The following TENM3 variants were observed in gnomAD, a reference collection of about 807,000 sequenced individuals.
The protein encoded by TENM3 is teneurin-3.
TENM3 carries 63 observed loss-of-function variants against 255.1 expected under a neutral mutation model. The ratio of observed to expected loss-of-function variants is 0.25; its 90% CI spans 0.20 to 0.30. The LOEUF (loss-of-function observed/expected upper bound fraction) is 0.30, where lower values mean the gene tolerates loss of function less well. Ranked by LOEUF, TENM3 falls within the 10% of genes least tolerant of loss-of-function variation. TENM3 has a pLI of 1.00. For synonymous variants in TENM3, 1,306 were observed against 1,322.3 expected, an observed-to-expected ratio of 0.99 and a Z score of 0.27; for missense variants, 2,929 against 3,461.1, an observed-to-expected ratio of 0.85 and a Z score of 3.86.
the TENM3 span, among the ~76,000 whole-genome samples, chr4:181,844,594 G>C: frequency 1.3e-5 from 2 of 151,874 alleles, no homozygotes; most frequent in Admixed American, 6.6e-5. Context: ...CGTGAACCCG[G>C]GAGGCGGAGC....
chr4:182,767,090 A>C (rs1253973705), intron 22 of TENM3, among the ~76,000 whole-genome samples: 1 of 152,176 alleles, frequency 6.6e-6, no homozygotes, highest in African/African-American at 2.4e-5. Flanking sequence ...TGGTGATAGA[A>C]GCATTTTCTA....
intron 19 of TENM3, among the ~76,000 whole-genome samples, chr4:182,748,341 G>A (rs1476324977): frequency 6.6e-6 from 1 of 152,212 alleles, no homozygotes; most frequent in African/African-American, 2.4e-5. Flanking sequence ...CCAAAACCAA[G>A]CATTTTGAAA....
intron 3 of TENM3, among the ~76,000 whole-genome samples, chr4:182,482,998 T>G: frequency 6.6e-6 from 1 of 152,202 alleles, no homozygotes; most frequent in Admixed American, 6.5e-5. Flanking sequence ...TACCCAAATT[T>G]TCATATTGCT....
chr4:181,598,507 A>G, the TENM3 span, among the ~76,000 whole-genome samples: 1 of 152,236 alleles, frequency 6.6e-6, no homozygotes, highest in Non-Finnish European at 1.5e-5. Flanking sequence ...GATTTTTTTA[A>G]TTAAGAATAT....
intron 3 of TENM3, among the ~76,000 whole-genome samples, chr4:182,383,727 A>G (rs1767722086): frequency 6.6e-6 from 1 of 152,164 alleles, no homozygotes; most frequent in South Asian, 2.1e-4. Context: ...ACAAAGCCAG[A>G]TGCATCACAT....
intron 5 of TENM3, among the ~76,000 whole-genome samples, chr4:182,650,924 A>ATATAT (rs1491428844): frequency 9.5e-5 from 1 of 10,520 alleles, no homozygotes; most frequent in South Asian, 3.3e-3. Context: ...ATATATATAT[A>ATATAT]AAACAAAGCT....
chr4:182,659,007 A>C (rs114932528), intron 6 of TENM3, among the ~76,000 whole-genome samples: 1,936 of 152,322 alleles, frequency 0.013, 24 homozygotes, highest in Middle Eastern at 0.024. Context: ...TCGCCATTCT[A>C]GGCTTTCACT....
At chr4:182,430,569 T>C (rs1452974279) in intron 3 of TENM3, among the ~76,000 whole-genome samples, 3 of 150,734 alleles carry the variant, frequency 2.0e-5, no homozygotes, top group African/African-American at 4.9e-5. Flanking sequence ...AAGAGAAAGA[T>C]TGTAGAGTGG....
At chr4:181,991,838 A>G in the TENM3 span, among the ~76,000 whole-genome samples, 3 of 152,020 alleles carry the variant, frequency 2.0e-5, no homozygotes, top group African/African-American at 4.8e-5. Flanking sequence ...CCCCACCCCT[A>G]TTTTTATAGG....
At chr4:181,802,797 T>C in the TENM3 span, among the ~76,000 whole-genome samples, 2 of 152,164 alleles carry the variant, frequency 1.3e-5, no homozygotes, top group Non-Finnish European at 1.5e-5. Flanking sequence ...AGATTCCCAA[T>C]GATTCAAAAA....
the TENM3 span, among the ~76,000 whole-genome samples, chr4:181,968,988 C>CTATATA: frequency 4.6e-4 from 50 of 107,680 alleles, no homozygotes; most frequent in African/African-American, 1.7e-3. Context: ...CTCTCTCTCT[C>CTATATA]TCTCTATATA....
chr4:182,700,670 C>T (rs542299897), intron 12 of TENM3, among the ~76,000 whole-genome samples: 1 of 152,112 alleles, frequency 6.6e-6, no homozygotes, highest in Non-Finnish European at 1.5e-5. Flanking sequence ...AAGGAGCAGT[C>T]AAAGGAGGTC....
the TENM3 span, among the ~76,000 whole-genome samples, chr4:181,564,023 CTTTTCTTTTCTT>C: frequency 9.0e-5 from 11 of 122,674 alleles, 1 homozygote; most frequent in South Asian, 1.3e-3. Context: ...CTTTTCTTTT[CTTTTCTTTTCTT>C]TTTTCTTTTT....
intron 3 of TENM3, among the ~76,000 whole-genome samples, chr4:182,545,440 C>T (rs1741344506): frequency 6.6e-6 from 1 of 151,954 alleles, no homozygotes; most frequent in Admixed American, 6.6e-5. Context: ...CTACAGTTGC[C>T]TCCTGCTTGG....
chr4:181,911,628 A>G, the TENM3 span, among the ~76,000 whole-genome samples: 2 of 152,216 alleles, frequency 1.3e-5, no homozygotes, highest in Non-Finnish European at 1.5e-5. Context: ...CAGCTGAGTC[A>G]GTGCAGTTAT....
chr4:181,790,458 A>T, the TENM3 span, among the ~76,000 whole-genome samples: 1 of 152,206 alleles, frequency 6.6e-6, no homozygotes, highest in Non-Finnish European at 1.5e-5. Flanking sequence ...TGTGTATATT[A>T]TCAGTTATCA....
chr4:182,737,341 C>A (rs558258668), intron 17 of TENM3, among the ~76,000 whole-genome samples: 1 of 152,310 alleles, frequency 6.6e-6, no homozygotes, highest in African/African-American at 2.4e-5. Context: ...TTGTCACATC[C>A]TTTCTCCCCC....
intron 1 of TENM3, among the ~76,000 whole-genome samples, chr4:182,313,924 C>A (rs1762592534): frequency 6.6e-6 from 1 of 152,232 alleles, no homozygotes; most frequent in Admixed American, 6.5e-5. Context: ...TTCCATCCTT[C>A]AGCCAGAGAG....
At chr4:182,515,982 C>T (rs749856475) in intron 3 of TENM3, among the ~76,000 whole-genome samples, 12 of 152,182 alleles carry the variant, frequency 7.9e-5, no homozygotes, top group Non-Finnish European at 1.5e-4. Flanking sequence ...CGTGGTTATG[C>T]TACAGCAAAA....
Sources: gnomAD v4.1 joint callset for allele counts (sites outside exome capture counted in the v4.1 genomes callset) on GRCh38, gnomAD v4.1.1 for gene constraint, MANE v1.5 for transcripts, NCBI Gene and HGNC (gene_info 2026-07-23, HGNC 2026-07-21) for gene names.